HARS1: variants seen among roughly 807,000 people sequenced by gnomAD.
HARS1 encodes the protein histidyl-tRNA synthetase 1.
HARS1 carries 45 observed loss-of-function variants against 63.6 expected under a neutral mutation model. The observed-to-expected ratio is 0.71, with a 90% CI of 0.56 to 0.91. HARS1 has a LOEUF of 0.91. Ranked by LOEUF, HARS1 falls within the 40% of genes least tolerant of loss-of-function variation. HARS1 has a pLI of 0.00. For missense variants in HARS1, 508 were observed against 643.2 expected (o/e 0.79, Z 2.27); for synonymous variants, 205 against 247.1 (o/e 0.83, Z 1.60).
chr5:140,686,663 C>T (rs1412011890), intron 2 of HARS1, among the ~76,000 whole-genome samples: 2 of 150,550 alleles, frequency 1.3e-5, no homozygotes, highest in African/African-American at 2.5e-5. Flanking sequence ...TGCAATGACG[C>T]GATCTCGGCT....
intron 2 of HARS1, among the ~76,000 whole-genome samples, chr5:140,687,201 A>T (rs753156176): frequency 2.6e-5 from 4 of 152,154 alleles, no homozygotes; most frequent in Non-Finnish European, 5.9e-5. Context: ...AATATTTAAA[A>T]ATAGGGTCCT....
chr5:140,688,648 T>C (rs1299230483), intron 2 of HARS1, among the ~76,000 whole-genome samples: 1 of 152,186 alleles, frequency 6.6e-6, no homozygotes, highest in Non-Finnish European at 1.5e-5. Context: ...TGCGTTGTAA[T>C]CAGCTGATAT....
At chr5:140,683,247 A>G in intron 2 of HARS1, 28 bp from the exon 3 acceptor site, 1 of 1,608,496 alleles carries the variant, frequency 6.2e-7, no homozygotes, top group Non-Finnish European at 8.5e-7. Context: ...CCAGAGAACC[A>G]GAAATGAGGT....
rs747711899 is a variant in HARS1, at chr5:140,677,949, C to T, written c.589G>A (p.Glu197Lys). The T allele has an allele frequency of 3.1e-6, 5 of 1,612,464 alleles. No individual in the cohort carries two copies. Among genetic ancestry groups the T allele is most frequent in the East Asian group, 2.2e-5 (1 of 44,866 alleles). Residue 197 changes from glutamate (E) to lysine (K), a missense_variant, in exon 6 of 13, where the codon GAG becomes AAG. Glu to Lys is a moderately conservative substitution (Grantham distance 56, BLOSUM62 1). Around this residue, in one of 2 missense-constraint regions of HARS1, gnomAD observed 403 missense variants for 548.7 expected, o/e 0.73. Coordinates refer to ENST00000504156, the MANE Select transcript of HARS1 (RefSeq NM_002109.6). ...PDAECLKIMC[E>K]ILSSLQIGDF... The stretch of plus-strand genomic sequence containing the variant: ...CCTATCTGAAGTGAACTCAGGATCT[C>T]GCACATGATCTTCAGGCACTCTGCA...
chr5:140,687,606 C>T (rs1455440873), intron 2 of HARS1: 1 of 151,996 alleles, frequency 6.6e-6, no homozygotes, highest in Non-Finnish European at 1.5e-5. Context: ...TTAAGTAAAA[C>T]TGAATTTTTT....
chr5:140,677,294 C>A (rs374609443), intron 8 of HARS1, 33 bp downstream of exon 8: 1 of 1,529,314 alleles, frequency 6.5e-7, no homozygotes, highest in Non-Finnish European at 9.1e-7. Context: ...GGCAGTGGGA[C>A]GGCTGCTGGG....
rs376700027 is a variant in HARS1, at chr5:140,690,835, C to T, written c.180+20G>A. 9 of 1,356,166 alleles carry T rather than the reference C, an allele frequency of 6.6e-6. 1 individual carries two copies. In the South Asian group the frequency reaches 1.0e-4, roughly 16 times the overall value. 84.0% of individuals were successfully genotyped at this position (1,356,166 alleles called of 1,614,324 possible). ...AGAGTTAGAGACTTTCTCAGTGGCT[C>T]CCTACAGGAATGATATTACCTTGGG... On this transcript the variant is annotated intron_variant, in intron 2 of 12. Coordinates refer to ENST00000504156, the MANE Select transcript of HARS1 (RefSeq NM_002109.6).
chr5:140,688,382 C>T lies in HARS1; in HGVS notation c.180+2473G>A, dbSNP rs575993190. On this transcript the variant is annotated intron_variant, in intron 2 of 12. Coordinates refer to ENST00000504156, the MANE Select transcript of HARS1 (RefSeq NM_002109.6). ...TCTGCTATTCTTATTTCATTTAAGCCCTGACATGTTTTTCTTACATATTTT... is the reference window on the plus strand; with the variant it reads ...TCTGCTATTCTTATTTCATTTAAGCTCTGACATGTTTTTCTTACATATTTT... Among the ~76,000 whole-genome samples the T allele has an allele frequency of 2.0e-4, 31 of 152,078 alleles. 1 individual carries two copies. Among genetic ancestry groups the T allele is most frequent in the Non-Finnish European group, 2.9e-4 (20 of 68,008 alleles).
chr5:140,681,407 G>A (rs1291611692), intron 3 of HARS1, among the ~76,000 whole-genome samples: 2 of 152,190 alleles, frequency 1.3e-5, no homozygotes, highest in East Asian at 1.9e-4. Flanking sequence ...GCTCATGCCT[G>A]TAATTCCAGC....
intron 2 of HARS1, among the ~76,000 whole-genome samples, chr5:140,690,083 T>G (rs982463311): frequency 5.9e-5 from 9 of 152,178 alleles, no homozygotes; most frequent in Non-Finnish European, 1.3e-4. Context: ...TTTCTCAGAC[T>G]CCCCAGTTCT....
chr5:140,677,504 T>C (rs1353100681), intron 7 of HARS1, 84 bp from the exon 8 acceptor site: 1 of 1,185,088 alleles, frequency 8.4e-7, no homozygotes, highest in Non-Finnish European at 1.3e-6. Context: ...GGAACCGTTT[T>C]AGAGCAGTAG....
chr5:140,690,448 TA>T (rs1010428067), intron 2 of HARS1, among the ~76,000 whole-genome samples: 3 of 124,036 alleles, frequency 2.4e-5, no homozygotes, highest in Admixed American at 1.6e-4. Flanking sequence ...ATACTCTGTT[TA>T]AAAAAAAAAC....
chr5:140,685,315 T>C (rs1337630669), intron 2 of HARS1: 1 of 152,178 alleles, frequency 6.6e-6, no homozygotes, highest in African/African-American at 2.4e-5. Flanking sequence ...GGGGAGTTAT[T>C]GTTTAATGGG....
At chr5:140,675,630 A>T (rs1459247847) in intron 10 of HARS1, 3 of 151,830 alleles carry the variant, frequency 2.0e-5, no homozygotes, top group Admixed American at 6.6e-5. Flanking sequence ...TCCATGTAGT[A>T]CCTTAAGGGT....
rs1758304807 is a variant in HARS1, at chr5:140,675,389, G to A, written c.1195-256C>T. The A allele has an allele frequency of 3.1e-5, 11 of 354,276 alleles. No individual in the cohort carries two copies. In the South Asian group the frequency reaches 4.6e-4, roughly 15 times the overall value. 21.9% of individuals were successfully genotyped at this position (354,276 alleles called of 1,614,324 possible). A position where few individuals can be genotyped will look rare whatever the true frequency, so the allele number is the denominator to read the frequency against. The stretch of plus-strand genomic sequence containing the variant: ...GGTAGCTTTTTTACAGTAACTTCAA[G>A]CTTATCTCCATGTAGTACCTTTTTT... On this transcript the variant is annotated intron_variant, in intron 10 of 12. Transcript: ENST00000504156.
Position 140,679,519 on chromosome 5 carries a change from G to T in HARS1, c.396+269C>A. On this transcript the variant is annotated intron_variant, in intron 4 of 12. Coordinates refer to ENST00000504156, the MANE Select transcript of HARS1 (RefSeq NM_002109.6). This position sits in a 1 kb window ranked among gnomAD's most constrained non-coding sequence, Gnocchi z 4.3. ...TAAGAAGAATTTTGTTCACTGGACA[G>T]GGCAGGGGAGAGGTATTCTGGAGCC... 2.2e-6 allele frequency: 1 copy of T among 459,072 alleles called. No individual in the cohort carries two copies. Among genetic ancestry groups the T allele is most frequent in the Non-Finnish European group, 3.8e-6 (1 of 260,590 alleles). The allele number at this position is 459,072 out of a possible 1,614,324, so 28.4% of individuals were successfully genotyped here.
chr5:140,677,695 T>C lies in HARS1; in HGVS notation c.689A>G (p.Lys230Arg), dbSNP rs1416014791. Residue 230 changes from lysine (K) to arginine (R), a missense_variant, in exon 7 of 13, where the codon AAG becomes AGG. Physicochemically the swap from Lys to Arg is conservative, Grantham distance 26. This residue lies in a region of HARS1 where 403 missense variants were observed against 548.7 expected (regional missense o/e 0.73). Coordinates refer to ENST00000504156, the MANE Select transcript of HARS1 (RefSeq NM_002109.6). ...TACTGAGGAGCAGATGGTACGGAAC[T>C]TGCTGTCAGAAACACCACAGATAGC... Reference protein sequence around the residue: ...MFAICGVSDSKFRTICSSVDK... With the variant: ...MFAICGVSDSRFRTICSSVDK... 1.9e-6 allele frequency: 3 copies of C among 1,612,350 alleles called. No individual in the cohort carries two copies. The highest frequency in any genetic ancestry group is 2.5e-6 in the Non-Finnish European group (3 of 1,179,480).
Position 140,677,384 on chromosome 5 carries a change from C to T in HARS1, c.766G>A (p.Glu256Lys). ...GCCACCTCAGGTGCAAGGCCCTTCT[C>T]TCCCACCATCTCATTCTTCACCTCT... is the stretch of plus-strand genomic sequence containing the variant. ...WEEVKNEMVG[E>K]KGLAPEVADR... The change falls in exon 8 of 13, where the codon GAG becomes AAG. Residue 256 changes from glutamate to lysine, a missense_variant. This residue lies in a region of HARS1 where 403 missense variants were observed against 548.7 expected (regional missense o/e 0.73). Transcript: ENST00000504156. 1.2e-6 allele frequency: 2 copies of T among 1,613,918 alleles called. No homozygotes were observed. Among genetic ancestry groups the T allele is most frequent in the Non-Finnish European group, 1.7e-6 (2 of 1,179,816 alleles).
intron 10 of HARS1, 39 bp from the exon 11 acceptor site, chr5:140,675,172 C>T (rs948090150): frequency 7.9e-7 from 1 of 1,270,650 alleles, no homozygotes. Flanking sequence ...GGGCTAACAC[C>T]TTCAAGGAGC....
Sources: gnomAD v4.1 joint callset for allele counts (sites outside exome capture counted in the v4.1 genomes callset) on GRCh38, gnomAD v4.1.1 for gene constraint, gnomAD v4.1.1 regional missense constraint, Gnocchi (gnomAD v3.1) non-coding constraint, MANE v1.5 for transcripts, NCBI Gene and HGNC (gene_info 2026-07-23, HGNC 2026-07-21) for gene names.